TRABD2A: variants seen among roughly 807,000 people sequenced by gnomAD.
TRABD2A encodes the protein TraB domain containing 2A, also known as metalloprotease TIKI1.
A neutral mutation model predicts 45.6 loss-of-function variants in TRABD2A; 43 were observed. The observed-to-expected ratio is 0.94, with a 90% CI of 0.74 to 1.22. The LOEUF is 1.22. Among genes scored for constraint, TRABD2A ranks in the 50% most tolerant of loss-of-function variants. The probability of loss-of-function intolerance (pLI) is 0.00; values close to 1 mark genes in which losing one functional copy is unlikely to be tolerated. For missense variants in TRABD2A, 642 were observed against 652.4 expected (o/e 0.98, Z 0.17); for synonymous variants, 269 against 265.0 (o/e 1.02, Z -0.15).
In TRABD2A at chr2:84,830,555, G is replaced by T. The variant is rs1681298121; in HGVS notation, c.1082+1500C>A. Among the ~76,000 whole-genome samples, 1 of 152,194 alleles carries T rather than the reference G, an allele frequency of 6.6e-6. No individual in the cohort carries two copies. The highest frequency in any genetic ancestry group is 1.5e-5 in the Non-Finnish European group (1 of 68,044). On this transcript the variant is annotated intron_variant, in intron 5 of 6. Coordinates refer to ENST00000409520, the MANE Select transcript of TRABD2A (RefSeq NM_001277053.2). The surrounding 1 kb of genome is among the most constrained non-coding windows in gnomAD (Gnocchi z 4.9). ...GGAGAAGGGCCTGGAAGGGGGCGGTGGCCATGGAAATGGAGAAGGACAAAT... is the reference window on the plus strand; with the variant it reads ...GGAGAAGGGCCTGGAAGGGGGCGGTTGCCATGGAAATGGAGAAGGACAAAT...
chr2:84,881,033 G>A lies in TRABD2A; in HGVS notation c.7C>T (p.Pro3Ser), dbSNP rs1683189357. 5 of 1,602,928 alleles carry A rather than the reference G, an allele frequency of 3.1e-6. No individual in the cohort carries two copies. In the East Asian group the frequency reaches 1.1e-4, roughly 36 times the overall value. MS[P>S]WSWFLLQTLC... ...GTCTGCAGCAGGAACCAGCTCCAGG[G>A]ACTCATCCTCCTCAAGGCGGCTCCG... The change falls in exon 1 of 7, where the codon CCC becomes TCC. Residue 3 changes from proline to serine, a missense_variant. By Grantham distance (74) the Pro-to-Ser change is moderately conservative. Coordinates refer to ENST00000409520, the MANE Select transcript of TRABD2A (RefSeq NM_001277053.2).
At chr2:84,865,466 G>A (rs1174480819) in intron 2 of TRABD2A, among the ~76,000 whole-genome samples, 3 of 152,224 alleles carry the variant, frequency 2.0e-5, no homozygotes, top group Admixed American at 6.5e-5. Flanking sequence ...CCAACTAACT[G>A]CCTCTTAGGA....
chr2:84,853,211 C>T (rs1461460131), intron 2 of TRABD2A, among the ~76,000 whole-genome samples: 1 of 151,926 alleles, frequency 6.6e-6, no homozygotes, highest in Non-Finnish European at 1.5e-5. Context: ...ACCGAGAACA[C>T]CATGTGATGC....
intron 4 of TRABD2A, chr2:84,838,371 CT>C: frequency 1.6e-6 from 1 of 616,672 alleles, no homozygotes; most frequent in Non-Finnish European, 3.0e-6. Flanking sequence ...ATTTCCAGAG[CT>C]GTGGAAAAGT....
chr2:84,837,511 T>C (rs74437054), intron 4 of TRABD2A: 38,911 of 151,914 alleles, frequency 0.26, 5,635 homozygotes, highest in African/African-American at 0.42. Context: ...CTCCTCTCCC[T>C]TAGTCCCAGG....
chr2:84,852,817 G>A (rs1246494652), intron 2 of TRABD2A, among the ~76,000 whole-genome samples: 4 of 152,122 alleles, frequency 2.6e-5, no homozygotes, highest in African/African-American at 9.7e-5. Flanking sequence ...CTGGGCCAAT[G>A]GCAAGACCAG....
chr2:84,876,830 C>T (rs1573959707), intron 1 of TRABD2A, among the ~76,000 whole-genome samples: 1 of 152,324 alleles, frequency 6.6e-6, no homozygotes, highest in South Asian at 2.1e-4. Context: ...ATAAACCACA[C>T]TGACCTTGTT....
chr2:84,876,896 G>C (rs1030760657), intron 1 of TRABD2A, among the ~76,000 whole-genome samples: 3 of 152,038 alleles, frequency 2.0e-5, no homozygotes, highest in African/African-American at 7.2e-5. Flanking sequence ...ACAGCTCAGG[G>C]GCTTTTCTGC....
chr2:84,855,288 A>G (rs1682235915), intron 2 of TRABD2A, among the ~76,000 whole-genome samples: 1 of 152,216 alleles, frequency 6.6e-6, no homozygotes, highest in Non-Finnish European at 1.5e-5. Context: ...ACTATTGGAA[A>G]TATTACAACT....
rs1358408244 is a variant in TRABD2A, at chr2:84,821,826, G to A, written c.*91C>T. On this transcript the variant is annotated 3_prime_UTR_variant, in exon 7 of 7. Coordinates refer to ENST00000409520, the MANE Select transcript of TRABD2A (RefSeq NM_001277053.2). ...TTCAAGAGCAGTCTCTTCTGGATTGGGCCCAACAAGGCTAGACCAGAATGT... is the reference window on the plus strand; with the variant it reads ...TTCAAGAGCAGTCTCTTCTGGATTGAGCCCAACAAGGCTAGACCAGAATGT... The A allele has an allele frequency of 3.8e-6, 5 of 1,332,418 alleles. No individual in the cohort carries two copies. In the East Asian group the frequency reaches 1.4e-4, roughly 37 times the overall value. 82.5% of individuals were successfully genotyped at this position (1,332,418 alleles called of 1,614,324 possible).
chr2:84,868,439 G>C (rs1314124293), intron 2 of TRABD2A, among the ~76,000 whole-genome samples: 1 of 150,996 alleles, frequency 6.6e-6, no homozygotes, highest in Non-Finnish European at 1.5e-5. Flanking sequence ...CCTGTCATGG[G>C]GTAGGGGGAG....
chr2:84,860,444 G>A (rs1682459956), intron 2 of TRABD2A, among the ~76,000 whole-genome samples: 1 of 152,186 alleles, frequency 6.6e-6, no homozygotes, highest in South Asian at 2.1e-4. Context: ...TGCAAGTCAA[G>A]GAGAGAGGCC....
At chr2:84,826,869 A>AT (rs369200460) in intron 5 of TRABD2A, among the ~76,000 whole-genome samples, 1 of 152,126 alleles carries the variant, frequency 6.6e-6, no homozygotes, top group African/African-American at 2.4e-5. Flanking sequence ...CATTGTTGAG[A>AT]TTTTTTTCAG....
chr2:84,859,273 T>G (rs1311542476), intron 2 of TRABD2A, among the ~76,000 whole-genome samples: 1 of 152,188 alleles, frequency 6.6e-6, no homozygotes, highest in Non-Finnish European at 1.5e-5. Flanking sequence ...TTTGGTCTTT[T>G]AATACAGTAT....
intron 2 of TRABD2A, among the ~76,000 whole-genome samples, chr2:84,863,239 CTTTTTTT>C (rs773927512): frequency 5.1e-5 from 5 of 98,134 alleles, no homozygotes; most frequent in Non-Finnish European, 7.8e-5. Context: ...TCATGTGAAT[CTTTTTTT>C]TTTTTTTTTT....
At chr2:84,877,413 C>T (rs940906988) in intron 1 of TRABD2A, among the ~76,000 whole-genome samples, 5 of 152,108 alleles carry the variant, frequency 3.3e-5, no homozygotes, top group Non-Finnish European at 7.3e-5. Flanking sequence ...CCACGATTAA[C>T]ATGTCCCTTC....
chr2:84,862,199 T>C (rs1350220944), intron 2 of TRABD2A, among the ~76,000 whole-genome samples: 2 of 152,230 alleles, frequency 1.3e-5, no homozygotes, highest in African/African-American at 2.4e-5. Flanking sequence ...CCTGGCTCCT[T>C]GCCCTTCTTC....
Position 84,870,347 on chromosome 2 carries a change from G to T in TRABD2A, c.547C>A (p.Arg183Ser). The change falls in exon 2 of 7, where the codon CGT becomes AGT. Residue 183 changes from arginine (R) to serine (S), a missense_variant. Arg to Ser is a moderately radical substitution (Grantham distance 110, BLOSUM62 -1). Coordinates refer to ENST00000409520, the MANE Select transcript of TRABD2A (RefSeq NM_001277053.2). ...AACAGGTCTAAGACAGGCACTCCAC[G>T]GGACTTAATGTCCACTTCAGTCAGG... ...NSLTEVDIKSRGVPVLDLFLA... is the reference protein window; with the variant it reads ...NSLTEVDIKSSGVPVLDLFLA... The T allele has an allele frequency of 1.2e-6, 2 of 1,613,996 alleles. No individual in the cohort carries two copies. The highest frequency in any genetic ancestry group is 1.7e-6 in the Non-Finnish European group (2 of 1,179,886).
Position 84,821,828 on chromosome 2 carries a change from C to T in TRABD2A, c.*89G>A. The T allele has an allele frequency of 7.4e-7, 1 of 1,346,000 alleles. No individual in the cohort carries two copies. The allele number at this position is 1,346,000 out of a possible 1,614,324, so 83.4% of individuals were successfully genotyped here. A position where few individuals can be genotyped will look rare whatever the true frequency, so the allele number is the denominator to read the frequency against. ...CAAGAGCAGTCTCTTCTGGATTGGG[C>T]CCAACAAGGCTAGACCAGAATGTGG... is the stretch of plus-strand genomic sequence containing the variant. On this transcript the variant is annotated 3_prime_UTR_variant, in exon 7 of 7. Coordinates refer to ENST00000409520, the MANE Select transcript of TRABD2A (RefSeq NM_001277053.2).
Sources: gnomAD v4.1 joint callset for allele counts (sites outside exome capture counted in the v4.1 genomes callset) on GRCh38, gnomAD v4.1.1 for gene constraint, Gnocchi (gnomAD v3.1) non-coding constraint, MANE v1.5 for transcripts, NCBI Gene and HGNC (gene_info 2026-07-23, HGNC 2026-07-21) for gene names.